Variants in RIC3 observed in about 807,000 individuals in gnomAD.
RIC3 encodes the protein protein RIC-3.
A neutral mutation model predicts 27.3 loss-of-function variants in RIC3; 28 were observed. The ratio of observed to expected loss-of-function variants is 1.02; its 90% CI spans 0.76 to 1.41. The LOEUF is 1.41. Ranked by LOEUF, RIC3 falls within the 40% of genes most tolerant of loss-of-function variation. The pLI is 0.00. For missense variants in RIC3, 501 were observed against 444.7 expected (o/e 1.13, Z -1.14); for synonymous variants, 184 against 160.4 (o/e 1.15, Z -1.11).
chr11:8,111,777 C>G (rs1945288151), intron 5 of RIC3, among the ~76,000 whole-genome samples: 2 of 152,220 alleles, frequency 1.3e-5, no homozygotes, highest in Non-Finnish European at 1.5e-5. Context: ...AAACAACAAA[C>G]TGGCAAACAA....
chr11:8,105,491 T>G (rs1944523890), downstream of RIC3: 1 of 151,960 alleles, frequency 6.6e-6, no homozygotes, highest in Admixed American at 6.6e-5. Context: ...TTACGACAGG[T>G]TTGGTTTTTA....
rs377519983 is a variant in RIC3, at chr11:8,153,236, A to G, written c.125-13043T>C. On this transcript the variant is annotated intron_variant, in intron 1 of 5. Transcript: ENST00000309737. Reference sequence around the variant, plus strand: ...CTTTACATGCGGTATTATTGTTCACATATTTACTGCTGAGCACTTAACAAT... The same window carrying G: ...CTTTACATGCGGTATTATTGTTCACGTATTTACTGCTGAGCACTTAACAAT... 4.8e-5 allele frequency: 14 copies of G among 291,794 alleles called. No individual in the cohort carries two copies. The East Asian group carries it at 1.1e-3, about 24-fold the overall frequency. 18.1% of individuals were successfully genotyped at this position (291,794 alleles called of 1,614,324 possible).
chr11:8,127,070 C>T (rs1947077898), intron 4 of RIC3, among the ~76,000 whole-genome samples: 1 of 152,152 alleles, frequency 6.6e-6, no homozygotes. Context: ...AATACTAGGA[C>T]CAGACCCCAG....
At chr11:8,128,816 G>A (rs1306841994) in intron 4 of RIC3, among the ~76,000 whole-genome samples, 4 of 143,640 alleles carry the variant, frequency 2.8e-5, no homozygotes, top group South Asian at 2.3e-4. Flanking sequence ...GTGCAGTGGC[G>A]CCACCTCAGC....
chr11:8,164,139 C>A (rs992276664), intron 1 of RIC3, among the ~76,000 whole-genome samples: 14 of 152,098 alleles, frequency 9.2e-5, no homozygotes, highest in Admixed American at 6.5e-4. Context: ...AACTATATAT[C>A]CACATGAAGT....
intron 1 of RIC3, among the ~76,000 whole-genome samples, chr11:8,142,910 G>C (rs1949234545): frequency 1.1e-5 from 1 of 88,102 alleles, no homozygotes; most frequent in African/African-American, 1.4e-4. Flanking sequence ...CATATAAACA[G>C]AGCCAAAGAC....
chr11:8,095,945 G>A, the RIC3 span, among the ~76,000 whole-genome samples: 1 of 152,246 alleles, frequency 6.6e-6, no homozygotes, highest in Admixed American at 6.5e-5. Context: ...GCTACTGGGA[G>A]CAGGGCCAGG....
At chr11:8,163,058 C>CACACAT (rs1951342438) in intron 1 of RIC3, among the ~76,000 whole-genome samples, 1 of 149,104 alleles carries the variant, frequency 6.7e-6, no homozygotes, top group Admixed American at 6.7e-5. Flanking sequence ...CACATACACA[C>CACACAT]ACACACACAC....
Position 8,140,068 on chromosome 11 carries a change from C to T in RIC3, c.250G>A (p.Gly84Arg). ...CCACTACCTCCTCCTCCAGCACCTC[C>T]ACCTGATCCTTTGGCCTTTGCAAAT... ...EAFAKAKGSGGGAGGGGSGRG... is the reference protein window; with the variant it reads ...EAFAKAKGSGRGAGGGGSGRG... The change falls in exon 2 of 6, where the codon GGA (glycine) becomes AGA (arginine). Residue 84 changes from glycine to arginine, a missense_variant. Transcript: ENST00000309737. 2 of 1,614,108 alleles carry T rather than the reference C, an allele frequency of 1.2e-6. No individual in the cohort carries two copies. Among genetic ancestry groups the T allele is most frequent in the Non-Finnish European group, 1.7e-6 (2 of 1,180,032 alleles).
At chr11:8,132,297 T>C (rs1348828359) in intron 4 of RIC3, among the ~76,000 whole-genome samples, 2 of 152,224 alleles carry the variant, frequency 1.3e-5, no homozygotes, top group Admixed American at 6.5e-5. Context: ...TTTTCAATAA[T>C]CTTCTAGCAT....
chr11:8,153,941 T>C (rs1179207317), intron 1 of RIC3, among the ~76,000 whole-genome samples: 2 of 152,178 alleles, frequency 1.3e-5, no homozygotes, highest in Non-Finnish European at 2.9e-5. Context: ...CAATGCTGCA[T>C]TTGGCAAAGA....
Position 8,168,985 on chromosome 11 carries a change from G to A in RIC3, c.5C>T (p.Ala2Val). M[A>V]YSTVQRVALA... ...AGCGACTCTCTGCACTGTGGAGTAC[G>A]CCATGACTGCTCACGGTGGTCGCAG... is the stretch of plus-strand genomic sequence containing the variant. The change falls in exon 1 of 6, where the codon GCG becomes GTG. Residue 2 changes from alanine (A) to valine (V), a missense_variant. Transcript: ENST00000309737. 7.6e-6 allele frequency: 12 copies of A among 1,585,246 alleles called. No individual in the cohort carries two copies. Among genetic ancestry groups the A allele is most frequent in the East Asian group, 4.8e-5 (2 of 41,758 alleles).
Position 8,108,473 on chromosome 11 carries a change from T to C in RIC3, c.*2225A>G, listed in dbSNP as rs992147372. ...ATAATTACCACTTAATGAGTGGTTA[T>C]CATGTATGAGCTAGAACCAATGCTG... On this transcript the variant is annotated 3_prime_UTR_variant, in exon 6 of 6. Coordinates refer to ENST00000309737, the MANE Select transcript of RIC3 (RefSeq NM_001206671.4). 6.6e-6 allele frequency: 1 copy of C among 152,218 alleles called. No individual in the cohort carries two copies. The highest frequency in any genetic ancestry group is 1.5e-5 in the Non-Finnish European group (1 of 68,036). 9.4% of individuals were successfully genotyped at this position (152,218 alleles called of 1,614,324 possible).
chr11:8,166,622 C>A (rs780616554), intron 1 of RIC3, among the ~76,000 whole-genome samples: 26 of 152,156 alleles, frequency 1.7e-4, no homozygotes, highest in Admixed American at 2.6e-4. Context: ...GTAATCCCAG[C>A]ACTTTGGAAG....
At chr11:8,095,869 A>T in the RIC3 span, among the ~76,000 whole-genome samples, 1 of 152,230 alleles carries the variant, frequency 6.6e-6, no homozygotes. Context: ...TTGGGGGCAG[A>T]TTTCCTTTTC....
intron 1 of RIC3, among the ~76,000 whole-genome samples, chr11:8,151,337 C>T (rs933712430): frequency 6.6e-6 from 1 of 151,996 alleles, no homozygotes; most frequent in Non-Finnish European, 1.5e-5. Flanking sequence ...CCTGTAATCC[C>T]AGCACTTTGG....
chr11:8,138,806 T>C lies in RIC3; in HGVS notation c.352-459A>G, dbSNP rs558482419. ...TTCCTTATATGAAGGTGTTTTTACC[T>C]TTCTCAGCATTCCACAAGTTAGTTC... On this transcript the variant is annotated intron_variant, in intron 2 of 5. Transcript: ENST00000309737. The C allele has an allele frequency of 4.4e-4, 105 of 238,890 alleles. No homozygotes were observed. The South Asian group carries it at 5.5e-3, about 13-fold the overall frequency. 14.8% of individuals were successfully genotyped at this position (238,890 alleles called of 1,614,324 possible).
intron 5 of RIC3, among the ~76,000 whole-genome samples, chr11:8,119,859 A>G (rs1946256076): frequency 6.6e-6 from 1 of 152,088 alleles, no homozygotes; most frequent in African/African-American, 2.4e-5. Flanking sequence ...AGAACAAACA[A>G]CCCCATCGAA....
At chr11:8,138,232 C>T (rs1590223605) in intron 3 of RIC3, 40 bp downstream of exon 3, 1 of 1,415,738 alleles carries the variant, frequency 7.1e-7, no homozygotes, top group Non-Finnish European at 1.0e-6. Context: ...AACTGTTTGA[C>T]TCAATAATAC....
Sources: allele counts gnomAD v4.1 joint callset (sites outside exome capture counted in the v4.1 genomes callset), GRCh38; gene constraint gnomAD v4.1.1; transcripts MANE v1.5; gene names NCBI Gene and HGNC (gene_info 2026-07-23, HGNC 2026-07-21).